DYNLRB1: variants seen among roughly 807,000 people sequenced by gnomAD.
DYNLRB1 encodes dynein light chain roadblock-type 1.
DYNLRB1 carries 6 observed loss-of-function variants against 13.5 expected under a neutral mutation model. That is an observed-to-expected ratio of 0.44 (90% CI 0.24 to 0.88). DYNLRB1 has a LOEUF of 0.88. DYNLRB1 is among the 40% of genes least tolerant of loss of function. DYNLRB1 has a pLI of 0.21. For synonymous variants in DYNLRB1, 43 were observed against 45.0 expected, an observed-to-expected ratio of 0.96 and a Z score of 0.18; for missense variants, 93 against 127.2, an observed-to-expected ratio of 0.73 and a Z score of 1.29.
chr20:34,526,416 C>T (rs1980218601), intron 2 of DYNLRB1, 73 bp downstream of exon 2: 1 of 1,461,130 alleles, frequency 6.8e-7, no homozygotes, highest in Admixed American at 1.8e-5. Context: ...ATAGCACTTG[C>T]TGTTCACTAA....
Position 34,540,808 on chromosome 20 carries a change from C to T in DYNLRB1, c.*184C>T. 1.8e-6 allele frequency: 1 copy of T among 567,440 alleles called. No individual in the cohort carries two copies. Among genetic ancestry groups the T allele is most frequent in the Non-Finnish European group, 3.0e-6 (1 of 330,262 alleles). 35.2% of individuals were successfully genotyped at this position (567,440 alleles called of 1,614,324 possible). A position where few individuals can be genotyped will look rare whatever the true frequency, so the allele number is the denominator to read the frequency against. ...GGAACCCCTGTGTGCACCAACCTTC[C>T]CCAGAGCTCCGGAGCGCCCTCTCCT... On this transcript the variant is annotated 3_prime_UTR_variant, in exon 4 of 4. Transcript: ENST00000357156.
chr20:34,528,376 A>C (rs963960673), intron 2 of DYNLRB1, among the ~76,000 whole-genome samples: 1 of 151,840 alleles, frequency 6.6e-6, no homozygotes, highest in Non-Finnish European at 1.5e-5. Context: ...AAATAACATA[A>C]ACCAGTTTAT....
rs112494476 is a variant in DYNLRB1 at position 34,522,468 on chromosome 20, T to A, written c.4-3800T>A. ...TTTTTCTTTCTTTCTTTTTTCTTTT[T>A]CTTTTTTTTTTTTTTTTTTTTTTGA... is the stretch of plus-strand genomic sequence containing the variant. On this transcript the variant is annotated intron_variant, in intron 1 of 3. Coordinates refer to ENST00000357156, the MANE Select transcript of DYNLRB1 (RefSeq NM_014183.4). Among the ~76,000 whole-genome samples, 575 of 129,686 alleles carry A rather than the reference T, an allele frequency of 4.4e-3. 5 individuals are homozygous for A. The highest frequency in any genetic ancestry group is 0.016 in the African/African-American group (543 of 33,834). The allele number at this position is 129,686 out of a possible 152,430, so 85.1% of individuals were successfully genotyped here. A position where few individuals can be genotyped will look rare whatever the true frequency, so the allele number is the denominator to read the frequency against.
At chr20:34,523,775 G>A (rs1379134840) in intron 1 of DYNLRB1, among the ~76,000 whole-genome samples, 1 of 152,134 alleles carries the variant, frequency 6.6e-6, no homozygotes, top group African/African-American at 2.4e-5. Context: ...CGTGACATGG[G>A]ATTTTTGTTA....
chr20:34,526,507 T>TTTC (rs10684716), intron 2 of DYNLRB1, 164 bp downstream of exon 2: 13 of 633,988 alleles, frequency 2.1e-5, no homozygotes, highest in South Asian at 4.4e-5. Context: ...TTTTTTTTTT[T>TTTC]CATTAAGGCT....
intron 2 of DYNLRB1, chr20:34,530,017 T>C: frequency 7.9e-7 from 1 of 1,262,160 alleles, no homozygotes; most frequent in Non-Finnish European, 1.0e-6. Flanking sequence ...CTTCTTGCTC[T>C]AAGACCTGAA....
At position 34,529,740 on chromosome 20, in the gene DYNLRB1, A is replaced by G. The variant is rs1004077529; in HGVS notation, c.79+3397A>G. 1.4e-5 allele frequency: 16 copies of G among 1,123,986 alleles called. No homozygotes were observed. The African/African-American group carries it at 1.9e-4, about 14-fold the overall frequency. The allele number at this position is 1,123,986 out of a possible 1,614,324, so 69.6% of individuals were successfully genotyped here. On this transcript the variant is annotated intron_variant, in intron 2 of 3. Coordinates refer to ENST00000357156, the MANE Select transcript of DYNLRB1 (RefSeq NM_014183.4). ...ATGAAACTCGGTCTCAAAAAAAAAA[A>G]AAAAATGTTGATTTCCAAGTCAGCA...
chr20:34,526,113 C>A (rs377645223), intron 1 of DYNLRB1, among the ~76,000 whole-genome samples, 155 bp from the exon 2 acceptor site: 4 of 152,170 alleles, frequency 2.6e-5, no homozygotes, highest in Non-Finnish European at 4.4e-5. Context: ...CGGAGGAGCA[C>A]GTCAGATCAG....
At chr20:34,537,721 G>C (rs1981259605) in intron 3 of DYNLRB1, among the ~76,000 whole-genome samples, 1 of 152,196 alleles carries the variant, frequency 6.6e-6, no homozygotes, top group African/African-American at 2.4e-5. Flanking sequence ...AGGACCCAGG[G>C]GTGGCCACAG....
At chr20:34,531,803 A>G (rs1178458529) in intron 2 of DYNLRB1, among the ~76,000 whole-genome samples, 1 of 152,180 alleles carries the variant, frequency 6.6e-6, no homozygotes, top group African/African-American at 2.4e-5. Flanking sequence ...TGGTGCTGGG[A>G]TGGTGCCAGT....
chr20:34,517,627 C>CTTT (rs60155819), intron 1 of DYNLRB1, among the ~76,000 whole-genome samples: 32 of 120,394 alleles, frequency 2.7e-4, no homozygotes, highest in East Asian at 4.8e-4. Context: ...TTCATTATTT[C>CTTT]TTTTTTTTTT....
chr20:34,517,129 G>A (rs971374751), intron 1 of DYNLRB1, among the ~76,000 whole-genome samples: 9 of 152,116 alleles, frequency 5.9e-5, no homozygotes, highest in African/African-American at 2.2e-4. Flanking sequence ...TCTCAACGCC[G>A]TTACAGGTTT....
At chr20:34,532,818 C>G (rs1356522641) in intron 2 of DYNLRB1, among the ~76,000 whole-genome samples, 2 of 152,172 alleles carry the variant, frequency 1.3e-5, no homozygotes, top group Non-Finnish European at 2.9e-5. Flanking sequence ...TTCTGCCCAC[C>G]CTCACATTCC....
At chr20:34,530,458 A>T in intron 2 of DYNLRB1, 3 of 207,718 alleles carry the variant, frequency 1.4e-5, no homozygotes, top group South Asian at 1.7e-4. Flanking sequence ...GCCTGGCATG[A>T]AATGCCTATG....
intron 2 of DYNLRB1, among the ~76,000 whole-genome samples, chr20:34,533,872 C>T (rs1980906465): frequency 1.3e-5 from 2 of 151,348 alleles, no homozygotes. Flanking sequence ...TGCGATGGCT[C>T]ACGTCTGTAA....
intron 1 of DYNLRB1, among the ~76,000 whole-genome samples, chr20:34,524,343 T>C (rs1980001359): frequency 6.6e-6 from 1 of 152,242 alleles, no homozygotes; most frequent in African/African-American, 2.4e-5. Context: ...CATGGTCTAA[T>C]CACCATGGTT....
chr20:34,530,510 A>G (rs924845372), intron 2 of DYNLRB1: 2 of 157,204 alleles, frequency 1.3e-5, no homozygotes, highest in Admixed American at 6.5e-5. Context: ...CTTGCGTCCC[A>G]TTCTCAGGGC....
chr20:34,529,747 G>A lies in DYNLRB1; in HGVS notation c.79+3404G>A, dbSNP rs1036901967. The A allele has an allele frequency of 7.5e-6, 7 of 934,746 alleles. No individual in the cohort carries two copies. The African/African-American group carries it at 1.0e-4, about 14-fold the overall frequency. The allele number at this position is 934,746 out of a possible 1,614,324, so 57.9% of individuals were successfully genotyped here. On this transcript the variant is annotated intron_variant, in intron 2 of 3. Coordinates refer to ENST00000357156, the MANE Select transcript of DYNLRB1 (RefSeq NM_014183.4). ...TCGGTCTCAAAAAAAAAAAAAAAATGTTGATTTCCAAGTCAGCAGAGCCCT... is the reference window on the plus strand; with the variant it reads ...TCGGTCTCAAAAAAAAAAAAAAAATATTGATTTCCAAGTCAGCAGAGCCCT...
Position 34,526,485 on chromosome 20 carries a change from C to CTTTTTT in DYNLRB1, c.79+159_79+164dup, listed in dbSNP as rs386393667. On this transcript the variant is annotated intron_variant, in intron 2 of 3. Transcript: ENST00000357156. ...TTTAATTTTTAACACCTCCAGTGTT[C>CTTTTTT]TTTTTTTTTTTTTTTTTTTTTTCAT... 3.5e-4 allele frequency: 84 copies of CTTTTTT among 238,904 alleles called. 2 individuals are homozygous for CTTTTTT. The highest frequency in any genetic ancestry group is 6.2e-4 in the Admixed American group (8 of 12,872). 14.8% of individuals were successfully genotyped at this position (238,904 alleles called of 1,614,324 possible).
Sources: allele counts gnomAD v4.1 joint callset (sites outside exome capture counted in the v4.1 genomes callset), GRCh38; gene constraint gnomAD v4.1.1; transcripts MANE v1.5; gene names NCBI Gene and HGNC (gene_info 2026-07-23, HGNC 2026-07-21).